The following NEDD4L variants were observed in gnomAD, a reference collection of about 807,000 sequenced individuals.
The protein encoded by NEDD4L is E3 ubiquitin-protein ligase NEDD4-like.
NEDD4L carries 54 observed loss-of-function variants against 148.9 expected under a neutral mutation model. The observed-to-expected ratio is 0.36, with a 90% CI of 0.29 to 0.45. The LOEUF (loss-of-function observed/expected upper bound fraction) is 0.45, where lower values mean the gene tolerates loss of function less well. Ranked by LOEUF, NEDD4L falls within the 20% of genes least tolerant of loss-of-function variation. The probability of loss-of-function intolerance (pLI) is 1.00; values close to 1 mark genes in which losing one functional copy is unlikely to be tolerated. For missense variants in NEDD4L, 856 were observed against 1,233.8 expected, an observed-to-expected ratio of 0.69 and a Z score of 4.59; for synonymous variants, 433 against 440.7, an observed-to-expected ratio of 0.98 and a Z score of 0.22.
chr18:58,308,625 C>T (rs547688373), intron 5 of NEDD4L, among the ~76,000 whole-genome samples: 2 of 152,360 alleles, frequency 1.3e-5, no homozygotes, highest in Non-Finnish European at 2.9e-5. Flanking sequence ...GGGTGACAGG[C>T]AGCATGGACT....
At chr18:58,047,233 C>G in intron 1 of NEDD4L, 1 of 984,748 alleles carries the variant, frequency 1.0e-6, no homozygotes, top group Non-Finnish European at 1.2e-6. Flanking sequence ...GATATTTTGA[C>G]CGCTATTTAG....
intron 2 of NEDD4L, among the ~76,000 whole-genome samples, chr18:58,193,410 C>T (rs527541573): frequency 1.2e-4 from 19 of 152,350 alleles, no homozygotes; most frequent in East Asian, 9.6e-4. Flanking sequence ...GCCACTACTA[C>T]GTGTAGACAC....
chr18:58,076,323 C>T (rs150479772), intron 1 of NEDD4L, among the ~76,000 whole-genome samples: 339 of 152,214 alleles, frequency 2.2e-3, no homozygotes, highest in African/African-American at 7.8e-3. Context: ...CCCTTGATTC[C>T]ATTCGTAATA....
At chr18:58,165,675 G>A (rs2036760377) in intron 1 of NEDD4L, 113 bp from the exon 2 acceptor site, 8 of 1,525,640 alleles carry the variant, frequency 5.2e-6, no homozygotes, top group Non-Finnish European at 7.1e-6. Flanking sequence ...GAATTGATTT[G>A]TTCTGTATCC....
intron 6 of NEDD4L, among the ~76,000 whole-genome samples, chr18:58,316,973 CTATTTAAAG>C (rs769410889): frequency 1.3e-4 from 19 of 151,672 alleles, no homozygotes; most frequent in East Asian, 1.9e-4. Flanking sequence ...TTATTTAAAG[CTATTTAAAG>C]CTAGCATAAG....
intron 2 of NEDD4L, among the ~76,000 whole-genome samples, chr18:58,184,189 G>A (rs1438766730): frequency 6.6e-6 from 1 of 152,154 alleles, no homozygotes; most frequent in Non-Finnish European, 1.5e-5. Context: ...CTGTTGGTAG[G>A]AGGGAATGAG....
intron 1 of NEDD4L, among the ~76,000 whole-genome samples, chr18:58,082,877 A>G (rs146700395): frequency 3.9e-4 from 60 of 151,960 alleles, no homozygotes; most frequent in African/African-American, 1.1e-3. Flanking sequence ...TTTGATACAT[A>G]TTTTTGTGTT....
chr18:58,265,413 C>T (rs2050079774), intron 5 of NEDD4L, among the ~76,000 whole-genome samples: 1 of 152,006 alleles, frequency 6.6e-6, no homozygotes, highest in African/African-American at 2.4e-5. Flanking sequence ...GAACACCTGC[C>T]AGGCCATGCT....
At chr18:58,200,662 C>T (rs1286098790) in intron 2 of NEDD4L, among the ~76,000 whole-genome samples, 2 of 152,194 alleles carry the variant, frequency 1.3e-5, no homozygotes, top group Admixed American at 6.5e-5. Context: ...CCCATTCCTG[C>T]CCCCACACTC....
chr18:58,373,724 G>A (rs2047191910), intron 24 of NEDD4L, among the ~76,000 whole-genome samples: 2 of 152,196 alleles, frequency 1.3e-5, no homozygotes, highest in Non-Finnish European at 2.9e-5. Flanking sequence ...GCAGGCTCCG[G>A]TTTTTCTACC....
At chr18:58,251,945 G>T in intron 4 of NEDD4L, 56 bp from the exon 5 acceptor site, 1 of 936,448 alleles carries the variant, frequency 1.1e-6, no homozygotes, top group Non-Finnish European at 1.8e-6. Context: ...TGTTCCTTAC[G>T]TCGCTGTTCA....
At chr18:58,333,086 G>A (rs2041217659) in intron 11 of NEDD4L, among the ~76,000 whole-genome samples, 1 of 152,040 alleles carries the variant, frequency 6.6e-6, no homozygotes, top group Admixed American at 6.6e-5. Flanking sequence ...AGACCAGCCT[G>A]ACCAATATGG....
At chr18:58,362,520 T>C (rs1400877369) in intron 19 of NEDD4L, among the ~76,000 whole-genome samples, 1 of 152,204 alleles carries the variant, frequency 6.6e-6, no homozygotes, top group Non-Finnish European at 1.5e-5. Context: ...CTTCTAACGC[T>C]GGCAGGAGAG....
At chr18:58,185,473 G>A (rs550667367) in intron 2 of NEDD4L, among the ~76,000 whole-genome samples, 2 of 152,318 alleles carry the variant, frequency 1.3e-5, no homozygotes, top group African/African-American at 4.8e-5. Flanking sequence ...TGTAAAAACA[G>A]ACAAGCAGGA....
intron 1 of NEDD4L, among the ~76,000 whole-genome samples, chr18:58,128,962 C>T (rs575599548): frequency 1.3e-5 from 2 of 152,318 alleles, no homozygotes; most frequent in South Asian, 2.1e-4. Context: ...GCGCCTGTCA[C>T]GCATGTATAA....
At chr18:58,332,432 G>A (rs59150834) in intron 11 of NEDD4L, among the ~76,000 whole-genome samples, 4,692 of 152,278 alleles carry the variant, frequency 0.031, 232 homozygotes, top group African/African-American at 0.11. Flanking sequence ...CGGATCACCT[G>A]AGGTCAGGAG....
At chr18:58,339,603 T>C (rs1237532181) in intron 13 of NEDD4L, among the ~76,000 whole-genome samples, 1 of 152,198 alleles carries the variant, frequency 6.6e-6, no homozygotes, top group Non-Finnish European at 1.5e-5. Flanking sequence ...TCGGGAAATA[T>C]TAAGGAAATG....
intron 2 of NEDD4L, among the ~76,000 whole-genome samples, chr18:58,171,754 C>T (rs532794754): frequency 6.6e-6 from 1 of 152,270 alleles, no homozygotes; most frequent in East Asian, 1.9e-4. Flanking sequence ...TCCCAAGCAT[C>T]TAGGAGAGGT....
chr18:58,088,949 T>C (rs948879204), intron 1 of NEDD4L, among the ~76,000 whole-genome samples: 1 of 152,122 alleles, frequency 6.6e-6, no homozygotes, highest in African/African-American at 2.4e-5. Context: ...CCAGACAGCA[T>C]TCCATGTGCC....
Sources: gnomAD v4.1 joint callset for allele counts (sites outside exome capture counted in the v4.1 genomes callset) on GRCh38, gnomAD v4.1.1 for gene constraint, MANE v1.5 for transcripts, NCBI Gene and HGNC (gene_info 2026-07-23, HGNC 2026-07-21) for gene names.